The following MPDZ variants were observed in gnomAD, a reference collection of about 807,000 sequenced individuals.
MPDZ encodes the protein multiple PDZ domain protein.
MPDZ carries 234 observed loss-of-function variants against 239.1 expected under a neutral mutation model. The observed-to-expected ratio is 0.98, with a 90% CI of 0.88 to 1.09. MPDZ has a LOEUF of 1.09. MPDZ is among the 50% of genes least tolerant of loss of function. The pLI, the probability that MPDZ is intolerant of heterozygous loss-of-function variation, is 0.00. For missense variants in MPDZ, 3,175 were observed against 2,510.0 expected, an observed-to-expected ratio of 1.26 and a Z score of -5.66; for synonymous variants, 1,048 against 881.3, an observed-to-expected ratio of 1.19 and a Z score of -3.35.
At chr9:13,237,522 A>G (rs1433270304) in intron 3 of MPDZ, among the ~76,000 whole-genome samples, 1 of 151,976 alleles carries the variant, frequency 6.6e-6, no homozygotes, top group Non-Finnish European at 1.5e-5. Context: ...ATTGTCTCAC[A>G]GAAAACACTA....
chr9:13,142,731 A>G (rs554525973), intron 27 of MPDZ, among the ~76,000 whole-genome samples: 6 of 152,120 alleles, frequency 3.9e-5, no homozygotes, highest in Non-Finnish European at 8.8e-5. Flanking sequence ...ATTCCTTCAG[A>G]TATAGCATCT....
At chr9:13,138,913 G>A (rs1947248882) in intron 28 of MPDZ, among the ~76,000 whole-genome samples, 1 of 152,190 alleles carries the variant, frequency 6.6e-6, no homozygotes, top group African/African-American at 2.4e-5. Flanking sequence ...ACTGCCCTTT[G>A]ATAGATTAAT....
chr9:13,108,825 C>T (rs1941923835), intron 46 of MPDZ, 111 bp downstream of exon 46: 1 of 1,052,082 alleles, frequency 9.5e-7, no homozygotes, highest in Non-Finnish European at 1.3e-6. Context: ...AAGAAATGAT[C>T]AACTGTTAAC....
At position 13,205,943 on chromosome 9, in the gene MPDZ, A is replaced by T. The variant is rs1365965349; in HGVS notation, c.1447T>A (p.Ser483Thr). 18 of 1,607,348 alleles carry T rather than the reference A, an allele frequency of 1.1e-5. No homozygotes were observed. Among genetic ancestry groups the T allele is most frequent in the Non-Finnish European group, 1.4e-5 (17 of 1,177,276 alleles). Residue 483 changes from serine (S) to threonine (T), a missense_variant, in exon 11 of 47, where the codon TCT (serine) becomes ACT (threonine). By Grantham distance (58) the Ser-to-Thr change is moderately conservative. Transcript: ENST00000319217. ...TTGATTATGCTGGCATTAACAGGAG[A>T]CAAATCTGCATCTTTTGTGACGTCT... ...REDVTKDADL[S>T]PVNASIIKEN... is the part of the protein sequence containing the mutation.
In MPDZ at chr9:13,221,388, C is replaced by G; in HGVS notation, c.860G>C (p.Gly287Ala). 1 of 1,609,372 alleles carries G rather than the reference C, an allele frequency of 6.2e-7. No homozygotes were observed. The highest frequency in any genetic ancestry group is 1.7e-4 in the Middle Eastern group (1 of 6,028). Residue 287 changes from glycine (G) to alanine (A), a missense_variant, in exon 7 of 47, where the codon GGA becomes GCA. Gly to Ala is a moderately conservative substitution (Grantham distance 60). Coordinates refer to ENST00000319217, the MANE Select transcript of MPDZ (RefSeq NM_001378778.1). ...TGVIVKTILP[G>A]GVADQHGRLC... ...GTAGCCTACCTGATCAGCTACTCCT[C>G]CAGGCAGAATGGTTTTTACTATCAC...
intron 13 of MPDZ, among the ~76,000 whole-genome samples, chr9:13,195,461 A>G (rs897393752): frequency 1.3e-5 from 2 of 152,190 alleles, no homozygotes; most frequent in African/African-American, 2.4e-5. Flanking sequence ...AAGAAATATG[A>G]AAAATTCTAC....
At chr9:13,192,094 T>C (rs1467163097) in intron 15 of MPDZ, 37 bp downstream of exon 15, 5 of 1,483,588 alleles carry the variant, frequency 3.4e-6, no homozygotes, top group South Asian at 1.5e-5. Context: ...CTTTCCATTA[T>C]ATATGTAGGT....
intron 24 of MPDZ, among the ~76,000 whole-genome samples, chr9:13,153,545 G>A (rs959552305): frequency 6.6e-6 from 1 of 152,010 alleles, no homozygotes; most frequent in Non-Finnish European, 1.5e-5. Context: ...CAACCTCAAT[G>A]TCCTGGGCTC....
chr9:13,260,482 T>C (rs901400677), intron 1 of MPDZ, among the ~76,000 whole-genome samples: 22 of 152,142 alleles, frequency 1.4e-4, no homozygotes, highest in African/African-American at 5.3e-4. Flanking sequence ...TCTGCCCTAA[T>C]AGAGTTTGAA....
At chr9:13,119,429 T>C (rs955661852) in intron 39 of MPDZ, 73 bp downstream of exon 39, 6 of 1,508,418 alleles carry the variant, frequency 4.0e-6, no homozygotes, top group Middle Eastern at 1.8e-4. Flanking sequence ...CTAATTTGAC[T>C]ATGATAGCCC....
intron 3 of MPDZ, among the ~76,000 whole-genome samples, chr9:13,230,532 C>A (rs185336344): frequency 6.6e-6 from 1 of 152,068 alleles, no homozygotes; most frequent in East Asian, 1.9e-4. Context: ...AGGTCACATA[C>A]ATTATGATTT....
chr9:13,183,836 A>C (rs1953720215), intron 18 of MPDZ, among the ~76,000 whole-genome samples: 1 of 152,034 alleles, frequency 6.6e-6, no homozygotes, highest in African/African-American at 2.4e-5. Flanking sequence ...AACAATTAAC[A>C]AAGGGCCTGG....
intron 46 of MPDZ, among the ~76,000 whole-genome samples, chr9:13,108,094 A>G (rs1941789983): frequency 6.6e-6 from 1 of 152,170 alleles, no homozygotes; most frequent in Admixed American, 6.5e-5. Context: ...TAAAATATCC[A>G]TAAAGAACTA....
In MPDZ at chr9:13,165,285, G is replaced by A. The variant is rs141243813; in HGVS notation, c.3255-2490C>T. 23 of 1,370,050 alleles carry A rather than the reference G, an allele frequency of 1.7e-5. No homozygotes were observed. In the East Asian group the frequency reaches 4.5e-4, roughly 27 times the overall value. The allele number at this position is 1,370,050 out of a possible 1,614,324, so 84.9% of individuals were successfully genotyped here. The stretch of plus-strand genomic sequence containing the variant: ...ATATCTGGATCTATTCTTGCATTGG[G>A]ACATTACAAAAGCACAAAATTGTTT... On this transcript the variant is annotated intron_variant, in intron 22 of 46. Transcript: ENST00000319217.
rs1041443466 is a variant in MPDZ at position 13,223,629 on chromosome 9, T to C, written c.475A>G (p.Asn159Asp). The C allele has an allele frequency of 6.2e-7, 1 of 1,612,436 alleles. No homozygotes were observed. Among genetic ancestry groups the C allele is most frequent in the African/African-American group, 1.3e-5 (1 of 74,838 alleles). Residue 159 changes from asparagine to aspartate, a missense_variant, in exon 5 of 47, where the codon AAC becomes GAC. Coordinates refer to ENST00000319217, the MANE Select transcript of MPDZ (RefSeq NM_001378778.1). ...GFSVVGLRSE[N>D]RGELGIFVQE... Reference sequence around the variant, plus strand: ...ACAAATATTCCCAGCTCTCCTCTGTTTTCACTTCTTAGTCCCACAACACTA... The same window carrying C: ...ACAAATATTCCCAGCTCTCCTCTGTCTTCACTTCTTAGTCCCACAACACTA...
intron 26 of MPDZ, 92 bp from the exon 27 acceptor site, chr9:13,143,656 T>A (rs1484128067): frequency 2.1e-6 from 2 of 957,978 alleles, no homozygotes; most frequent in Non-Finnish European, 3.4e-6. Context: ...TTTAAAGAAC[T>A]GCCTGTGTGA....
In MPDZ at chr9:13,224,539, G is replaced by A. The variant is rs544937549; in HGVS notation, c.228C>T (p.His76=). The change falls in exon 4 of 47, where the codon CAC becomes CAT. Residue 76 remains histidine (H), a synonymous_variant. Transcript: ENST00000319217. ...TCACAGCTGGGCTGAGATGAGGAAC[G>A]TGGGCATATTCAATATTTGAAGTTG... The part of the protein sequence containing the change: ...TSATSNIEYA[H]VPHLSPAVIP... 5.8e-5 allele frequency: 93 copies of A among 1,612,296 alleles called. No homozygotes were observed. Among genetic ancestry groups the A allele is most frequent in the South Asian group, 1.2e-4 (11 of 90,914 alleles).
intron 37 of MPDZ, 40 bp downstream of exon 37, chr9:13,122,047 T>A: frequency 6.2e-7 from 1 of 1,610,070 alleles, no homozygotes; most frequent in Non-Finnish European, 8.5e-7. Flanking sequence ...AGGAGCCTTT[T>A]CTCTGTTAAT....
At chr9:13,213,889 T>A (rs560490379) in intron 10 of MPDZ, among the ~76,000 whole-genome samples, 1 of 152,200 alleles carries the variant, frequency 6.6e-6, no homozygotes, top group South Asian at 2.1e-4. Context: ...TGCTTAATTA[T>A]TAAACTGCTA....
Sources: gnomAD v4.1 joint callset for allele counts (sites outside exome capture counted in the v4.1 genomes callset) on GRCh38, gnomAD v4.1.1 for gene constraint, MANE v1.5 for transcripts, NCBI Gene and HGNC (gene_info 2026-07-23, HGNC 2026-07-21) for gene names.